Variants in TEX14 observed in about 807,000 individuals in gnomAD.
TEX14 encodes the protein inactive serine/threonine-protein kinase TEX14.
Under a neutral mutation model 178.6 loss-of-function variants are expected in TEX14, and 168 were observed. That is an observed-to-expected ratio of 0.94 (90% CI 0.83 to 1.07). The LOEUF (loss-of-function observed/expected upper bound fraction) is 1.07. Ranked by LOEUF, TEX14 falls within the 50% of genes least tolerant of loss-of-function variation. TEX14 has a pLI of 0.00. For missense variants in TEX14, 1,730 were observed against 1,753.6 expected (o/e 0.99, Z 0.24); for synonymous variants, 626 against 634.1 (o/e 0.99, Z 0.19).
intron 1 of TEX14, among the ~76,000 whole-genome samples, chr17:58,688,058 T>A (rs1431115495): frequency 1.3e-5 from 2 of 152,186 alleles, no homozygotes; most frequent in African/African-American, 4.8e-5. Flanking sequence ...GTGGATCAAG[T>A]CAAAGAAAAT....
At chr17:58,661,760 G>A in intron 1 of TEX14, 2 of 550,556 alleles carry the variant, frequency 3.6e-6, no homozygotes, top group Non-Finnish European at 6.4e-6. Context: ...CAACGGAGTC[G>A]GTTGTGCCGG....
In TEX14 at chr17:58,611,251, C is replaced by A. The variant is rs1410376060; in HGVS notation, c.1094G>T (p.Gly365Val). 1 of 1,613,644 alleles carries A rather than the reference C, an allele frequency of 6.2e-7. No individual in the cohort carries two copies. Among genetic ancestry groups the A allele is most frequent in the East Asian group, 2.2e-5 (1 of 44,868 alleles). ...GGAGCTGAGGGAGCGGTGGATAAAC[C>A]CCTGGAAATGCAGGTATCTCAGGGC... is the stretch of plus-strand genomic sequence containing the variant. ...SDALRYLHFQGFIHRSLSSYA... is the reference protein window; with the variant it reads ...SDALRYLHFQVFIHRSLSSYA... The change falls in exon 10 of 32, where the codon GGG becomes GTG. Residue 365 changes from glycine (G) to valine (V), a missense_variant. Physicochemically the swap from Gly to Val is moderately radical, Grantham distance 109 (BLOSUM62 -3). This residue lies in a region of TEX14 where 789 missense variants were observed against 681.2 expected (regional missense o/e 1.16). Transcript: ENST00000349033.
chr17:58,664,900 A>G (rs1329793288), intron 1 of TEX14, among the ~76,000 whole-genome samples: 1 of 152,194 alleles, frequency 6.6e-6, no homozygotes, highest in East Asian at 1.9e-4. Context: ...CCCTGGGTTC[A>G]GTGGCACTGA....
Position 58,673,163 on chromosome 17 carries a change from T to A in TEX14, c.-2+18776A>T, listed in dbSNP as rs571814812. Among the ~76,000 whole-genome samples the A allele has an allele frequency of 1.7e-3, 266 of 152,222 alleles. 5 individuals are homozygous for A. Among genetic ancestry groups the A allele is most frequent in the South Asian group, 0.014 (68 of 4,824 alleles). ...ATGTTTTTGTTTCCCTGGGTAGTCA[T>A]GCCAAGCCTTTACATATTAAAATAT... On this transcript the variant is annotated intron_variant, in intron 1 of 31. Coordinates refer to ENST00000349033, the MANE Select transcript of TEX14 (RefSeq NM_031272.5).
chr17:58,620,902 G>A (rs935877160), intron 5 of TEX14, among the ~76,000 whole-genome samples: 1 of 152,132 alleles, frequency 6.6e-6, no homozygotes, highest in African/African-American at 2.4e-5. Flanking sequence ...AACTCATCTC[G>A]CCTGAGAAGC....
At chr17:58,584,436 A>G (rs2044901706) in intron 19 of TEX14, 64 bp downstream of exon 19, 8 of 1,223,530 alleles carry the variant, frequency 6.5e-6, no homozygotes, top group Non-Finnish European at 8.5e-6. Flanking sequence ...ACACATAACA[A>G]TAACTCAGTT....
intron 5 of TEX14, among the ~76,000 whole-genome samples, chr17:58,618,896 G>C (rs2045935193): frequency 6.6e-6 from 1 of 152,198 alleles, no homozygotes; most frequent in African/African-American, 2.4e-5. Context: ...ATTATTGATA[G>C]TTTCCCTTTC....
At chr17:58,639,067 G>T (rs1453178588) in intron 2 of TEX14, among the ~76,000 whole-genome samples, 1 of 151,010 alleles carries the variant, frequency 6.6e-6, no homozygotes, top group Non-Finnish European at 1.5e-5. Context: ...GGGTTTCACC[G>T]TGTTAGCCAG....
intron 1 of TEX14, among the ~76,000 whole-genome samples, chr17:58,689,163 C>G (rs1006173663): frequency 1.3e-5 from 2 of 152,032 alleles, no homozygotes; most frequent in Non-Finnish European, 2.9e-5. Context: ...CTCCTGATCT[C>G]GTGATCCGCC....
intron 2 of TEX14, chr17:58,631,187 C>T (rs2046277579): frequency 3.1e-6 from 3 of 980,168 alleles, no homozygotes; most frequent in African/African-American, 3.5e-5. Context: ...AGCCTGGAGG[C>T]GCAGTGGCTC....
chr17:58,601,757 C>G, intron 13 of TEX14, 49 bp downstream of exon 13: 2 of 1,571,666 alleles, frequency 1.3e-6, no homozygotes, highest in Non-Finnish European at 1.7e-6. Context: ...ATGTGACTCT[C>G]AGAACACATT....
At position 58,556,934 on chromosome 17, in the gene TEX14, A is replaced by G. The variant is rs1475181423; in HGVS notation, c.*77T>C. ...GAACTGCTGCCCTGACAGCAACTGA[A>G]GCAGAAAGAGAAGAAAGGAGCTTAC... is the stretch of plus-strand genomic sequence containing the variant. On this transcript the variant is annotated 3_prime_UTR_variant, in exon 32 of 32. Coordinates refer to ENST00000349033, the MANE Select transcript of TEX14 (RefSeq NM_031272.5). 5 of 1,199,824 alleles carry G rather than the reference A, an allele frequency of 4.2e-6. No homozygotes were observed. The East Asian group carries it at 1.2e-4, about 28-fold the overall frequency. The allele number at this position is 1,199,824 out of a possible 1,614,324, so 74.3% of individuals were successfully genotyped here. A position where few individuals can be genotyped will look rare whatever the true frequency, so the allele number is the denominator to read the frequency against.
At chr17:58,631,809 T>C (rs971072229) in intron 2 of TEX14, 26 of 152,010 alleles carry the variant, frequency 1.7e-4, no homozygotes, top group East Asian at 1.4e-3. Context: ...AAACACACTA[T>C]AGAAATTATC....
chr17:58,688,172 G>A (rs1204546381), intron 1 of TEX14, among the ~76,000 whole-genome samples: 1 of 152,020 alleles, frequency 6.6e-6, no homozygotes, highest in Non-Finnish European at 1.5e-5. Context: ...CCAGGCTGGA[G>A]TACAGTGTCA....
chr17:58,586,095 GA>G lies in TEX14; in HGVS notation c.2789-14del. 6.2e-7 allele frequency: 1 copy of G among 1,600,028 alleles called. No homozygotes were observed. Among genetic ancestry groups the G allele is most frequent in the East Asian group, 2.2e-5 (1 of 44,604 alleles). On this transcript the variant is annotated splice_polypyrimidine_tract_variant and intron_variant, in intron 17 of 31. Coordinates refer to ENST00000349033, the MANE Select transcript of TEX14 (RefSeq NM_031272.5). ...TCTTTCACCTCCACTGTGCATAAGA[GA>G]AAGCAGCATTTAAAACATCACTGTA...
Position 58,601,944 on chromosome 17 carries a change from C to A in TEX14, c.1540G>T (p.Ala514Ser). The change falls in exon 13 of 32, where the codon GCC becomes TCC. Residue 514 changes from alanine to serine, a missense_variant. Ala to Ser is a moderately conservative substitution (Grantham distance 99). Coordinates refer to ENST00000349033, the MANE Select transcript of TEX14 (RefSeq NM_031272.5). ...LKNDLKDFTG[A>S]QRTQPTESPR... ...CTCTCGGTTGGTTGAGTTCTCTGGGCTCCAGTAAAATCCTGTAACACAGGA... is the reference window on the plus strand; with the variant it reads ...CTCTCGGTTGGTTGAGTTCTCTGGGATCCAGTAAAATCCTGTAACACAGGA... 1 of 1,612,950 alleles carries A rather than the reference C, an allele frequency of 6.2e-7. No individual in the cohort carries two copies. The highest frequency in any genetic ancestry group is 1.9e-4 in the Middle Eastern group (1 of 5,344).
chr17:58,643,946 G>GC (rs1034860505), intron 2 of TEX14, among the ~76,000 whole-genome samples: 220 of 71,950 alleles, frequency 3.1e-3, no homozygotes, highest in African/African-American at 7.3e-3. Context: ...TTTCTCCCCC[G>GC]CCCCCCCCAA....
In TEX14 at chr17:58,569,978, T is replaced by C. The variant is rs1013946123; in HGVS notation, c.3817+407A>G. Among the ~76,000 whole-genome samples the C allele has an allele frequency of 3.9e-5, 6 of 152,070 alleles. No individual in the cohort carries two copies. The highest frequency in any genetic ancestry group is 1.4e-4 in the African/African-American group (6 of 41,408). ...TGGAAAATGATATAAATCTTAAACA[T>C]AAGAAAATGGTTAAGCAACATGTAG... is the stretch of plus-strand genomic sequence containing the variant. On this transcript the variant is annotated intron_variant, in intron 25 of 31. Coordinates refer to ENST00000349033, the MANE Select transcript of TEX14 (RefSeq NM_031272.5). This position sits in a 1 kb window ranked among gnomAD's most constrained non-coding sequence, Gnocchi z 4.1.
chr17:58,593,757 T>C, intron 14 of TEX14, 96 bp from the exon 15 acceptor site: 1 of 1,044,812 alleles, frequency 9.6e-7, no homozygotes, highest in Non-Finnish European at 1.5e-6. Context: ...GCTAAATGTA[T>C]AGAAATAACC....
Sources: gnomAD v4.1 joint callset for allele counts (sites outside exome capture counted in the v4.1 genomes callset) on GRCh38, gnomAD v4.1.1 for gene constraint, gnomAD v4.1.1 regional missense constraint, Gnocchi (gnomAD v3.1) non-coding constraint, MANE v1.5 for transcripts, NCBI Gene and HGNC (gene_info 2026-07-23, HGNC 2026-07-21) for gene names.